The following MAPK10 variants were observed in gnomAD, a reference collection of about 807,000 sequenced individuals.
MAPK10 encodes the protein JNK3 alpha protein kinase.
MAPK10 carries 25 observed loss-of-function variants against 59.3 expected under a neutral mutation model. That is an observed-to-expected ratio of 0.42 (90% CI 0.31 to 0.59). The LOEUF (loss-of-function observed/expected upper bound fraction) is 0.59. MAPK10 is among the 20% of genes least tolerant of loss of function. The pLI, the probability that MAPK10 is intolerant of heterozygous loss-of-function variation, is 0.15. For synonymous variants in MAPK10, 190 were observed against 200.5 expected (o/e 0.95, Z 0.44); for missense variants, 351 against 568.9 (o/e 0.62, Z 3.90).
rs901612373 is a variant in MAPK10, at chr4:86,058,411, G to T, written c.1110+5855C>A. Among the ~76,000 whole-genome samples the T allele has an allele frequency of 2.0e-5, 3 of 149,242 alleles. 1 individual carries two copies. Among genetic ancestry groups the T allele is most frequent in the Admixed American group, 2.0e-4 (3 of 15,086 alleles). On this transcript the variant is annotated intron_variant, in intron 11 of 13. Transcript: ENST00000641462. Reference sequence around the variant, plus strand: ...CTATTAGGCCATATTTCCCAGATTTGTCTGTCAGTTGCCTTAGGGTTGGTC... The same window carrying T: ...CTATTAGGCCATATTTCCCAGATTTTTCTGTCAGTTGCCTTAGGGTTGGTC...
intron 3 of MAPK10, among the ~76,000 whole-genome samples, chr4:86,165,145 G>A (rs2071182462): frequency 6.6e-6 from 1 of 152,056 alleles, no homozygotes; most frequent in Non-Finnish European, 1.5e-5. Flanking sequence ...TTTTAGTATG[G>A]TCATTTGGAT....
Position 86,016,937 on chromosome 4 carries a change from G to T in MAPK10, c.*291C>A. Reference sequence around the variant, plus strand: ...TGCAGCCATTAAAATTACACTTTATGGAAAAGGCTTCTCTAATTGTGTCTG... The same window carrying T: ...TGCAGCCATTAAAATTACACTTTATTGAAAAGGCTTCTCTAATTGTGTCTG... On this transcript the variant is annotated 3_prime_UTR_variant, in exon 14 of 14. Coordinates refer to ENST00000641462, the MANE Select transcript of MAPK10 (RefSeq NM_138982.4). 1 of 257,968 alleles carries T rather than the reference G, an allele frequency of 3.9e-6. No homozygotes were observed. Among genetic ancestry groups the T allele is most frequent in the Non-Finnish European group, 7.5e-6 (1 of 133,002 alleles). The allele number at this position is 257,968 out of a possible 1,614,324, so 16.0% of individuals were successfully genotyped here.
chr4:86,067,723 T>G, intron 10 of MAPK10, 50 bp downstream of exon 10: 1 of 1,496,236 alleles, frequency 6.7e-7, no homozygotes, highest in Admixed American at 2.0e-5. Flanking sequence ...GTGTGCTTGT[T>G]TGGCCCGTCA....
Position 86,107,221 on chromosome 4 carries a change from A to T in MAPK10, c.366+2T>A. On this transcript the variant is annotated splice_donor_variant, in intron 5 of 13. Transcript: ENST00000641462. LOFTEE classifies it high-confidence loss of function. Reference sequence around the variant, plus strand: ...CAGAAGTTTAAAAATAACAAAACTCACGTTTTTATGGTTCACACACTTCAT... The same window carrying T: ...CAGAAGTTTAAAAATAACAAAACTCTCGTTTTTATGGTTCACACACTTCAT... 1 of 1,605,054 alleles carries T rather than the reference A, an allele frequency of 6.2e-7. No homozygotes were observed. The highest frequency in any genetic ancestry group is 8.5e-7 in the Non-Finnish European group (1 of 1,176,910).
Position 86,162,510 on chromosome 4 carries a change from G to A in MAPK10, c.67-3043C>T, listed in dbSNP as rs180728779. On this transcript the variant is annotated intron_variant, in intron 3 of 13. Transcript: ENST00000641462. ...ACATTTTTTGCATAAGGTTGTGATG[G>A]TCTTGGCGCAAACTCATGGGTTTTT... is the stretch of plus-strand genomic sequence containing the variant. 2.3e-3 allele frequency among the ~76,000 whole-genome samples: 357 copies of A among 152,120 alleles called. 4 individuals carry two copies. The South Asian group carries it at 0.039, about 17-fold the overall frequency.
chr4:86,480,717 A>G (rs1051759144), intron 1 of MAPK10, among the ~76,000 whole-genome samples: 6 of 152,214 alleles, frequency 3.9e-5, no homozygotes, highest in African/African-American at 7.2e-5. Flanking sequence ...GGAAAAGGTG[A>G]TATCTTTCCT....
chr4:86,134,810 G>A (rs898057282), intron 4 of MAPK10, among the ~76,000 whole-genome samples: 9 of 152,292 alleles, frequency 5.9e-5, no homozygotes, highest in East Asian at 1.9e-4. Context: ...GACGGTGGGC[G>A]CAGGTCAGTG....
At chr4:86,156,899 ACTT>A (rs1411083641) in intron 4 of MAPK10, among the ~76,000 whole-genome samples, 1 of 152,044 alleles carries the variant, frequency 6.6e-6, no homozygotes, top group Non-Finnish European at 1.5e-5. Context: ...GCTGTAGAGA[ACTT>A]CTCAGCTCAC....
chr4:86,125,593 GA>G (rs2059944883), intron 4 of MAPK10: 1 of 151,984 alleles, frequency 6.6e-6, no homozygotes, highest in Non-Finnish European at 1.5e-5. Flanking sequence ...AAAAGAGTTA[GA>G]ACTAAGGACT....
chr4:86,395,487 G>A (rs1742787387), intron 1 of MAPK10, among the ~76,000 whole-genome samples: 1 of 152,200 alleles, frequency 6.6e-6, no homozygotes, highest in Non-Finnish European at 1.5e-5. Context: ...AATGCATGAT[G>A]TAACTGAATC....
At chr4:86,531,228 C>T (rs1051082235) in intron 1 of MAPK10, among the ~76,000 whole-genome samples, 1 of 152,224 alleles carries the variant, frequency 6.6e-6, no homozygotes, top group Non-Finnish European at 1.5e-5. Flanking sequence ...GTTAATCAGT[C>T]TTTGCCTAAG....
chr4:86,053,611 ATCTCACAAGT>A (rs1401515417), intron 11 of MAPK10, among the ~76,000 whole-genome samples: 1 of 152,186 alleles, frequency 6.6e-6, no homozygotes, highest in Non-Finnish European at 1.5e-5. Context: ...TTAACAGAAC[ATCTCACAAGT>A]TCCCACCCTG....
chr4:86,442,116 A>T lies in MAPK10; in HGVS notation c.-122+10914T>A, dbSNP rs1399824696. ...TTGATCATCTGATCACCAAAAGCAG[A>T]TGTATTCATGGCATTTTTCAAATAA... On this transcript the variant is annotated intron_variant, in intron 1 of 13. Transcript: ENST00000361569. Among the ~76,000 whole-genome samples, 11 of 152,300 alleles carry T rather than the reference A, an allele frequency of 7.2e-5. No individual in the cohort carries two copies. In the East Asian group the frequency reaches 2.1e-3, roughly 29 times the overall value.
chr4:86,235,195 G>A (rs1232248678), intron 2 of MAPK10, among the ~76,000 whole-genome samples: 2 of 152,168 alleles, frequency 1.3e-5, no homozygotes, highest in Non-Finnish European at 2.9e-5. Context: ...CCAAATGAAG[G>A]AATGGAGGCC....
intron 10 of MAPK10, among the ~76,000 whole-genome samples, chr4:86,066,985 TATTAAG>T (rs1296198348): frequency 6.6e-6 from 1 of 152,164 alleles, no homozygotes; most frequent in Non-Finnish European, 1.5e-5. Flanking sequence ...GTTATTTGTA[TATTAAG>T]ATTATTTATA....
chr4:86,527,563 GA>G (rs1241880713), intron 1 of MAPK10, among the ~76,000 whole-genome samples: 1 of 152,146 alleles, frequency 6.6e-6, no homozygotes, highest in Non-Finnish European at 1.5e-5. Flanking sequence ...CTGTTGGTGG[GA>G]ATGCAAATTA....
intron 4 of MAPK10, chr4:86,124,672 G>C (rs754687831): frequency 1.1e-4 from 16 of 152,010 alleles, no homozygotes; most frequent in Non-Finnish European, 2.2e-4. Context: ...CATTCTCAAA[G>C]ACAGGATAAG....
chr4:86,019,529 C>T (rs868717010), intron 13 of MAPK10, among the ~76,000 whole-genome samples: 1 of 152,052 alleles, frequency 6.6e-6, no homozygotes, highest in Admixed American at 6.6e-5. Flanking sequence ...GGTTCATTTC[C>T]CCTCATGATA....
intron 3 of MAPK10, among the ~76,000 whole-genome samples, chr4:86,175,668 AC>A (rs2075528537): frequency 6.6e-6 from 1 of 151,878 alleles, no homozygotes; most frequent in Non-Finnish European, 1.5e-5. Flanking sequence ...TCCTGAGGCC[AC>A]TCCAGAAGCC....
Sources: allele counts gnomAD v4.1 joint callset (sites outside exome capture counted in the v4.1 genomes callset), GRCh38; gene constraint gnomAD v4.1.1; transcripts MANE v1.5; gene names NCBI Gene and HGNC (gene_info 2026-07-23, HGNC 2026-07-21).